The following HSP90AA1 variants were observed in gnomAD, a reference collection of about 807,000 sequenced individuals.
HSP90AA1 encodes the protein heat shock protein 90 alpha family class A member 1, also known as heat shock protein HSP 90-alpha.
Under a neutral mutation model 73.3 loss-of-function variants are expected in HSP90AA1, and 18 were observed. The ratio of observed to expected loss-of-function variants is 0.25; its 90% CI spans 0.17 to 0.36. HSP90AA1 has a LOEUF of 0.36. Ranked by LOEUF, HSP90AA1 falls within the 10% of genes least tolerant of loss-of-function variation. The pLI is 1.00. For missense variants in HSP90AA1, 704 were observed against 874.2 expected (o/e 0.81, Z 2.45); for synonymous variants, 477 against 296.9 (o/e 1.61, Z -6.24).
At chr14:102,089,325 CCA>C (rs755912575), upstream of HSP90AA1, among the ~76,000 whole-genome samples, 10 of 152,332 alleles carry the variant, frequency 6.6e-5, no homozygotes, top group East Asian at 1.9e-3. Flanking sequence ...TCACTGGGAA[CCA>C]CTGTTTCCCG....
At chr14:102,123,910 CCCA>C (rs2049809901) in intron 1 of HSP90AA1, among the ~76,000 whole-genome samples, 2 of 152,022 alleles carry the variant, frequency 1.3e-5, no homozygotes, top group African/African-American at 4.8e-5. Context: ...AGGCAATGAT[CCCA>C]CCTCAGCCTC....
chr14:102,097,131 C>T (rs953702273), intron 2 of HSP90AA1, among the ~76,000 whole-genome samples: 1 of 152,024 alleles, frequency 6.6e-6, no homozygotes, highest in African/African-American at 2.4e-5. Flanking sequence ...GGATTATAGG[C>T]GCCCACTACC....
chr14:102,084,664 AC>A lies in HSP90AA1; in HGVS notation c.981+16del. On this transcript the variant is annotated intron_variant, in intron 5 of 10. Coordinates refer to ENST00000216281, the MANE Select transcript of HSP90AA1 (RefSeq NM_005348.4). Reference sequence around the variant, plus strand: ...GATAATCTAAGGACAAGCTTGAAGCACCCATCAGTCACTCACCTTCACTGCC... The same window carrying A: ...GATAATCTAAGGACAAGCTTGAAGCACCATCAGTCACTCACCTTCACTGCC... 6.2e-7 allele frequency: 1 copy of A among 1,613,894 alleles called. No homozygotes were observed. The highest frequency in any genetic ancestry group is 8.5e-7 in the Non-Finnish European group (1 of 1,179,844).
chr14:102,091,860 TAAG>T (rs1029429842), upstream of HSP90AA1, among the ~76,000 whole-genome samples: 1 of 151,840 alleles, frequency 6.6e-6, no homozygotes, highest in Non-Finnish European at 1.5e-5. Context: ...CTCCTGGACT[TAAG>T]GAGTCCTCCC....
intron 9 of HSP90AA1, 41 bp from the exon 10 acceptor site, chr14:102,082,485 A>G: frequency 1.4e-6 from 2 of 1,478,232 alleles, no homozygotes; most frequent in Admixed American, 3.5e-5. Flanking sequence ...AGAAAGATTA[A>G]TTCCTAAACT....
Position 102,081,214 on chromosome 14 carries a change from C to T in HSP90AA1, c.*498G>A. The stretch of plus-strand genomic sequence containing the variant: ...ACAATACTTTTCTTTGGAAAACAAG[C>T]CCTGTGGAGAGATCCTTCCATCAAG... On this transcript the variant is annotated 3_prime_UTR_variant, in exon 11 of 11. Transcript: ENST00000216281. The T allele has an allele frequency of 4.2e-6, 1 of 237,810 alleles. No homozygotes were observed. Among genetic ancestry groups the T allele is most frequent in the Non-Finnish European group, 8.3e-6 (1 of 119,994 alleles). The allele number at this position is 237,810 out of a possible 1,614,324, so 14.7% of individuals were successfully genotyped here.
chr14:102,106,304 A>T (rs1157382418), intron 1 of HSP90AA1, among the ~76,000 whole-genome samples: 1 of 152,134 alleles, frequency 6.6e-6, no homozygotes, highest in Non-Finnish European at 1.5e-5. Context: ...TTTCATAACA[A>T]TGGATATCAA....
chr14:102,083,423 A>G, intron 8 of HSP90AA1, 121 bp from the exon 9 acceptor site: 11 of 1,419,102 alleles, frequency 7.8e-6, no homozygotes, highest in Non-Finnish European at 9.9e-6. Flanking sequence ...GACCTAGTTC[A>G]TGTTAATTAT....
intron 1 of HSP90AA1, among the ~76,000 whole-genome samples, chr14:102,127,175 G>A (rs2049850546): frequency 6.6e-6 from 1 of 151,796 alleles, no homozygotes; most frequent in Non-Finnish European, 1.5e-5. Context: ...CCTGTTTCAG[G>A]ATCTCAGATA....
intron 2 of HSP90AA1, among the ~76,000 whole-genome samples, chr14:102,097,229 G>GC (rs1258094639): frequency 2.6e-5 from 4 of 151,172 alleles, no homozygotes; most frequent in Non-Finnish European, 5.9e-5. Context: ...CAGATAAACC[G>GC]CCCCCCTTGG....
Position 102,084,929 on chromosome 14 carries a change from T to TTTCTTC in HSP90AA1, c.727_732dup (p.Glu243_Glu244dup), listed in dbSNP as rs747665017. ...TCCGACTCTTTCTCTTCTTTTTCTT[T>TTTCTTC]TTCTTCTTCTTTGTCTTCCTTTTCT... On this transcript the variant is annotated inframe_insertion, in exon 5 of 11. Transcript: ENST00000216281. 1.9e-6 allele frequency: 3 copies of TTTCTTC among 1,593,782 alleles called. No homozygotes were observed. The highest frequency in any genetic ancestry group is 2.6e-6 in the Non-Finnish European group (3 of 1,162,312).
Position 102,083,048 on chromosome 14 carries a change from T to A in HSP90AA1, c.1741A>T (p.Lys581Ter). ...TATTCACATACCTTTTCAACTTTTT[T>A]CTCCAATATGTCTTTCATGATTTTG... ...LCKIMKDILE[K>*]KVEKVVVSNR... The change falls in exon 9 of 11, where the codon AAA becomes TAA. Residue 581 changes from lysine to a stop codon, truncating the protein, a stop_gained. Transcript: ENST00000216281. LOFTEE classifies it high-confidence loss of function. 1 of 1,613,972 alleles carries A rather than the reference T, an allele frequency of 6.2e-7. No homozygotes were observed. The highest frequency in any genetic ancestry group is 8.5e-7 in the Non-Finnish European group (1 of 1,179,808).
At chr14:102,084,655 G>A (rs372732891) in intron 5 of HSP90AA1, 26 bp downstream of exon 5, 26 of 1,614,018 alleles carry the variant, frequency 1.6e-5, no homozygotes, top group Non-Finnish European at 2.2e-5. Context: ...CTAAGGACAA[G>A]CTTGAAGCAC....
Position 102,083,530 on chromosome 14 carries a change from CAT to C in HSP90AA1, c.1486+14_1486+15del. 1.9e-6 allele frequency: 3 copies of C among 1,611,660 alleles called. No homozygotes were observed. The highest frequency in any genetic ancestry group is 1.7e-4 in the Middle Eastern group (1 of 5,874). On this transcript the variant is annotated intron_variant, in intron 8 of 10. Transcript: ENST00000216281. Reference sequence around the variant, plus strand: ...GTAAGAACGACGTGTATGACTGTAACATAGTGTTCTCTTACCTGTGATATAAT... The same window carrying C: ...GTAAGAACGACGTGTATGACTGTAACAGTGTTCTCTTACCTGTGATATAAT...
chr14:102,133,578 G>C (rs2049936632), intron 1 of HSP90AA1, among the ~76,000 whole-genome samples: 1 of 150,040 alleles, frequency 6.7e-6, no homozygotes, highest in African/African-American at 2.5e-5. Context: ...CCGCCTCCCA[G>C]GTTCAAGTGA....
intron 8 of HSP90AA1, 67 bp downstream of exon 8, chr14:102,083,479 A>C (rs2049144079): frequency 6.6e-7 from 1 of 1,520,056 alleles, no homozygotes; most frequent in Admixed American, 1.7e-5. Flanking sequence ...CTGAGTAGAA[A>C]ACACACCCAC....
chr14:102,126,157 A>G (rs1203381494), intron 1 of HSP90AA1, among the ~76,000 whole-genome samples: 1 of 152,126 alleles, frequency 6.6e-6, no homozygotes, highest in Non-Finnish European at 1.5e-5. Context: ...GGCAGGAGTG[A>G]TTTTTGGAGT....
At chr14:102,092,768 T>G (rs2049375010) in intron 2 of HSP90AA1, among the ~76,000 whole-genome samples, 1 of 152,172 alleles carries the variant, frequency 6.6e-6, no homozygotes, top group African/African-American at 2.4e-5. Context: ...GTTGTTTTTA[T>G]TTTTTTGAGA....
Position 102,084,661 on chromosome 14 carries a change from A to G in HSP90AA1, c.981+20T>C. 1 of 1,613,952 alleles carries G rather than the reference A, an allele frequency of 6.2e-7. No homozygotes were observed. On this transcript the variant is annotated intron_variant, in intron 5 of 10. Coordinates refer to ENST00000216281, the MANE Select transcript of HSP90AA1 (RefSeq NM_005348.4). Reference sequence around the variant, plus strand: ...GATGATAATCTAAGGACAAGCTTGAAGCACCCATCAGTCACTCACCTTCAC... The same window carrying G: ...GATGATAATCTAAGGACAAGCTTGAGGCACCCATCAGTCACTCACCTTCAC...
Sources: gnomAD v4.1 joint callset for allele counts (sites outside exome capture counted in the v4.1 genomes callset) on GRCh38, gnomAD v4.1.1 for gene constraint, MANE v1.5 for transcripts, NCBI Gene and HGNC (gene_info 2026-07-23, HGNC 2026-07-21) for gene names.